The following VAV3 variants were observed in gnomAD, a reference collection of about 807,000 sequenced individuals.
The protein encoded by VAV3 is guanine nucleotide exchange factor VAV3.
In VAV3, 94 loss-of-function variants were observed where a neutral mutation model predicts 131.2. That is an observed-to-expected ratio of 0.72 (90% confidence interval 0.61 to 0.85). VAV3 has a LOEUF of 0.85. Among genes scored for constraint, VAV3 ranks in the 40% least tolerant of loss-of-function variants. The probability of loss-of-function intolerance (pLI) is 0.00; values close to 1 mark genes in which losing one functional copy is unlikely to be tolerated. For synonymous variants in VAV3, 349 were observed against 342.0 expected, an observed-to-expected ratio of 1.02 and a Z score of -0.22; for missense variants, 939 against 1,002.7, an observed-to-expected ratio of 0.94 and a Z score of 0.86.
chr1:107,794,821 G>A (rs1172927147), intron 2 of VAV3, among the ~76,000 whole-genome samples: 1 of 152,170 alleles, frequency 6.6e-6, no homozygotes, highest in Non-Finnish European at 1.5e-5. Flanking sequence ...TATTTACCAA[G>A]AACTGGCACA....
At chr1:107,832,752 T>C (rs968287448) in intron 2 of VAV3, among the ~76,000 whole-genome samples, 4 of 152,220 alleles carry the variant, frequency 2.6e-5, no homozygotes, top group Non-Finnish European at 4.4e-5. Context: ...ATTTAAGCTA[T>C]GGAAATTTTA....
chr1:107,743,491 T>C (rs1236774783), intron 15 of VAV3, among the ~76,000 whole-genome samples: 1 of 152,180 alleles, frequency 6.6e-6, no homozygotes, highest in Admixed American at 6.5e-5. Context: ...AAGAGTTCAG[T>C]CCTGAAACTT....
chr1:107,711,358 C>G (rs1660771470), intron 15 of VAV3, among the ~76,000 whole-genome samples: 1 of 152,146 alleles, frequency 6.6e-6, no homozygotes, highest in Admixed American at 6.5e-5. Flanking sequence ...CACTCTCTGC[C>G]TACATACTCA....
At chr1:107,696,383 A>C (rs1659747664) in intron 17 of VAV3, among the ~76,000 whole-genome samples, 1 of 152,180 alleles carries the variant, frequency 6.6e-6, no homozygotes, top group South Asian at 2.1e-4. Flanking sequence ...GTGCTATAGG[A>C]CATTATAATT....
chr1:107,774,068 C>A (rs1017247756), intron 4 of VAV3, among the ~76,000 whole-genome samples: 4 of 151,910 alleles, frequency 2.6e-5, no homozygotes, highest in Non-Finnish European at 5.9e-5. Context: ...TCTATTTTTG[C>A]TGTTGTTGTT....
intron 2 of VAV3, among the ~76,000 whole-genome samples, chr1:107,865,240 T>C (rs181177614): frequency 6.6e-6 from 1 of 152,144 alleles, no homozygotes; most frequent in Non-Finnish European, 1.5e-5. Flanking sequence ...CCAATTTCTG[T>C]GGGGCAGAGA....
At chr1:107,722,758 G>A (rs1661575656) in intron 15 of VAV3, among the ~76,000 whole-genome samples, 1 of 151,408 alleles carries the variant, frequency 6.6e-6, no homozygotes, top group Admixed American at 6.6e-5. Flanking sequence ...AAGATACCTT[G>A]GGCTTCTTTT....
chr1:107,744,036 C>T (rs967261916), intron 15 of VAV3, among the ~76,000 whole-genome samples: 1 of 152,156 alleles, frequency 6.6e-6, no homozygotes, highest in Non-Finnish European at 1.5e-5. Flanking sequence ...CATTCTCACT[C>T]CCTGCTCCAT....
intron 2 of VAV3, among the ~76,000 whole-genome samples, chr1:107,863,224 C>G (rs910399577): frequency 2.6e-5 from 4 of 152,126 alleles, no homozygotes; most frequent in Non-Finnish European, 2.9e-5. Flanking sequence ...CATCCTCTGA[C>G]CACTCACTTC....
At chr1:107,768,830 T>A (rs1483044168) in intron 6 of VAV3, among the ~76,000 whole-genome samples, 2 of 152,242 alleles carry the variant, frequency 1.3e-5, no homozygotes, top group East Asian at 1.9e-4. Context: ...GAGATGTATA[T>A]GAAGACTTAC....
intron 15 of VAV3, among the ~76,000 whole-genome samples, chr1:107,726,804 T>G (rs191316765): frequency 2.4e-3 from 362 of 152,330 alleles, no homozygotes; most frequent in East Asian, 8.3e-3. Context: ...GAATAAAGCC[T>G]GCTAATTGAA....
intron 13 of VAV3, among the ~76,000 whole-genome samples, chr1:107,750,223 C>G (rs1663625721): frequency 6.6e-6 from 1 of 152,122 alleles, no homozygotes; most frequent in South Asian, 2.1e-4. Context: ...CTATATTGTT[C>G]CTCATGATTT....
intron 15 of VAV3, among the ~76,000 whole-genome samples, chr1:107,729,736 T>C (rs1276415734): frequency 2.0e-5 from 3 of 152,190 alleles, no homozygotes; most frequent in African/African-American, 2.4e-5. Context: ...TGGAATACAA[T>C]GCTAATGTCA....
chr1:107,604,879 A>G (rs1199872516), intron 22 of VAV3, among the ~76,000 whole-genome samples: 1 of 152,138 alleles, frequency 6.6e-6, no homozygotes, highest in Non-Finnish European at 1.5e-5. Context: ...CACTGTACCT[A>G]TTTTTTATTT....
intron 19 of VAV3, among the ~76,000 whole-genome samples, chr1:107,682,749 C>A (rs1658736146): frequency 6.6e-6 from 1 of 152,190 alleles, no homozygotes; most frequent in Non-Finnish European, 1.5e-5. Flanking sequence ...TATTTTCCAG[C>A]AAAGCTACTC....
At chr1:107,843,757 A>G (rs78052577) in intron 2 of VAV3, among the ~76,000 whole-genome samples, 6,252 of 152,098 alleles carry the variant, frequency 0.041, 300 homozygotes, top group African/African-American at 0.12. Context: ...TCAGACACGG[A>G]AAAATGCATT....
At chr1:107,749,653 T>A in intron 13 of VAV3, 59 bp from the exon 14 acceptor site, 3 of 1,567,136 alleles carry the variant, frequency 1.9e-6, no homozygotes, top group Admixed American at 2.0e-5. Flanking sequence ...GGTTATTAAT[T>A]TTTTTGGGTA....
intron 19 of VAV3, among the ~76,000 whole-genome samples, chr1:107,656,231 A>G (rs929153637): frequency 2.0e-5 from 3 of 152,198 alleles, no homozygotes; most frequent in Admixed American, 2.0e-4. Context: ...GGTGGATAAG[A>G]AAATGTGGCA....
At chr1:107,824,673 A>T (rs1667938808) in intron 2 of VAV3, among the ~76,000 whole-genome samples, 1 of 152,112 alleles carries the variant, frequency 6.6e-6, no homozygotes, top group African/African-American at 2.4e-5. Flanking sequence ...AAAACATTTA[A>T]CTGAATGTTA....
Sources: allele counts gnomAD v4.1 joint callset (sites outside exome capture counted in the v4.1 genomes callset), GRCh38; gene constraint gnomAD v4.1.1; transcripts MANE v1.5; gene names NCBI Gene and HGNC (gene_info 2026-07-23, HGNC 2026-07-21).